CHSY3: variants seen among roughly 807,000 people sequenced by gnomAD.
CHSY3 encodes the protein chondroitin sulfate synthase 3.
CHSY3 carries 35 observed loss-of-function variants against 67.2 expected under a neutral mutation model. The observed-to-expected ratio is 0.52, with a 90% CI of 0.40 to 0.69. The LOEUF (loss-of-function observed/expected upper bound fraction) is 0.69, where lower values mean the gene tolerates loss of function less well. Ranked by LOEUF, CHSY3 falls within the 30% of genes least tolerant of loss-of-function variation. The probability of loss-of-function intolerance (pLI) is 0.00; values close to 1 mark genes in which losing one functional copy is unlikely to be tolerated. For synonymous variants in CHSY3, 474 were observed against 434.7 expected, an observed-to-expected ratio of 1.09 and a Z score of -1.12; for missense variants, 1,069 against 1,138.5, an observed-to-expected ratio of 0.94 and a Z score of 0.88.
intron 2 of CHSY3, among the ~76,000 whole-genome samples, chr5:130,133,436 CCTAAAAG>C (rs1387024306): frequency 6.6e-6 from 1 of 151,624 alleles, no homozygotes; most frequent in Non-Finnish European, 1.5e-5. Flanking sequence ...TTTTTATGTC[CCTAAAAG>C]CTGGTTTTCA....
chr5:130,131,637 A>T (rs1311710940), intron 2 of CHSY3, among the ~76,000 whole-genome samples: 1 of 152,078 alleles, frequency 6.6e-6, no homozygotes, highest in Non-Finnish European at 1.5e-5. Flanking sequence ...ATAACTACTG[A>T]CTCCAAGATT....
At chr5:130,102,406 T>C (rs760534812) in intron 2 of CHSY3, among the ~76,000 whole-genome samples, 1 of 152,078 alleles carries the variant, frequency 6.6e-6, no homozygotes, top group Non-Finnish European at 1.5e-5. Flanking sequence ...ATTCATACTG[T>C]TTAATAAATC....
intron 2 of CHSY3, chr5:130,114,438 C>T (rs1767711590): frequency 6.6e-6 from 1 of 151,970 alleles, no homozygotes; most frequent in Non-Finnish European, 1.5e-5. Context: ...CGCCCAATCT[C>T]GTCTGATCCT....
At chr5:129,958,694 C>CTATT (rs1430270069) in intron 2 of CHSY3, among the ~76,000 whole-genome samples, 6 of 152,012 alleles carry the variant, frequency 3.9e-5, no homozygotes, top group African/African-American at 1.4e-4. Flanking sequence ...CCATGTCTGG[C>CTATT]TATTTATTTA....
intron 2 of CHSY3, among the ~76,000 whole-genome samples, chr5:130,016,897 G>A (rs372606967): frequency 6.6e-6 from 1 of 152,188 alleles, no homozygotes. Context: ...GTAGAGGAGA[G>A]TGGGAAGGTA....
chr5:130,102,605 T>G (rs1193461268), intron 2 of CHSY3, among the ~76,000 whole-genome samples: 1 of 152,054 alleles, frequency 6.6e-6, no homozygotes, highest in Non-Finnish European at 1.5e-5. Context: ...GCTAGTCACA[T>G]TACCTCTATG....
chr5:130,182,124 G>T (rs1002509299), intron 2 of CHSY3, among the ~76,000 whole-genome samples: 2 of 152,014 alleles, frequency 1.3e-5, no homozygotes, highest in Non-Finnish European at 2.9e-5. Context: ...ATTCTCACTA[G>T]CAGTGTATGA....
intron 2 of CHSY3, among the ~76,000 whole-genome samples, chr5:130,124,617 G>A (rs1768201662): frequency 6.6e-6 from 1 of 151,946 alleles, no homozygotes; most frequent in Admixed American, 6.6e-5. Flanking sequence ...CACCACACTT[G>A]GTTAATTTTT....
intron 2 of CHSY3, among the ~76,000 whole-genome samples, chr5:130,109,644 C>A (rs1767528501): frequency 6.6e-6 from 1 of 151,624 alleles, no homozygotes; most frequent in Non-Finnish European, 1.5e-5. Flanking sequence ...GAGAGCTGCA[C>A]CTTTGCTTCT....
intron 2 of CHSY3, among the ~76,000 whole-genome samples, chr5:130,131,355 G>A (rs754260664): frequency 6.6e-6 from 1 of 152,026 alleles, no homozygotes; most frequent in Non-Finnish European, 1.5e-5. Flanking sequence ...GACTCTCTCT[G>A]CTGTTTCCAC....
intron 2 of CHSY3, 77 bp from the exon 3 acceptor site, chr5:130,184,152 G>A: frequency 2.3e-6 from 3 of 1,299,140 alleles, no homozygotes; most frequent in Admixed American, 3.4e-5. Context: ...TCATTTAGAT[G>A]CTTTAGTTTA....
chr5:129,994,739 C>T (rs1763481608), intron 2 of CHSY3, among the ~76,000 whole-genome samples: 1 of 152,112 alleles, frequency 6.6e-6, no homozygotes, highest in South Asian at 2.1e-4. Flanking sequence ...GAGTTCATGT[C>T]GTTTGTAGGG....
intron 2 of CHSY3, among the ~76,000 whole-genome samples, chr5:130,050,160 C>G (rs980153168): frequency 6.6e-6 from 1 of 152,100 alleles, no homozygotes; most frequent in Non-Finnish European, 1.5e-5. Flanking sequence ...CAAACTACAA[C>G]AATGTATTTA....
chr5:130,091,111 AACAC>A lies in CHSY3; in HGVS notation c.1087-93097_1087-93094del, dbSNP rs143104865. On this transcript the variant is annotated intron_variant, in intron 2 of 2. Coordinates refer to ENST00000305031, the MANE Select transcript of CHSY3 (RefSeq NM_175856.5). ...GTCTGCTGTTTCTGAACTTAAACGC[AACAC>A]ACACACACACACACACACACGCACA... Among the ~76,000 whole-genome samples, 49 of 148,822 alleles carry A rather than the reference AACAC, an allele frequency of 3.3e-4. 1 individual carries two copies. Among genetic ancestry groups the A allele is most frequent in the South Asian group, 1.3e-3 (6 of 4,684 alleles).
At chr5:129,996,564 C>T (rs542718888) in intron 2 of CHSY3, among the ~76,000 whole-genome samples, 2 of 152,238 alleles carry the variant, frequency 1.3e-5, no homozygotes, top group African/African-American at 4.8e-5. Context: ...TTTCTTAGTT[C>T]ATTGTCAGAA....
intron 2 of CHSY3, among the ~76,000 whole-genome samples, chr5:130,029,950 G>A (rs75926931): frequency 0.022 from 3,277 of 151,944 alleles, 112 homozygotes; most frequent in African/African-American, 0.073. Context: ...AAGAAGTAGT[G>A]GATTATACCT....
intron 2 of CHSY3, among the ~76,000 whole-genome samples, chr5:130,091,859 A>G (rs1355684539): frequency 6.6e-6 from 1 of 152,192 alleles, no homozygotes; most frequent in Non-Finnish European, 1.5e-5. Context: ...CGCAGGCTTC[A>G]TAAGGTTAAC....
intron 2 of CHSY3, among the ~76,000 whole-genome samples, chr5:130,019,293 T>C (rs369547049): frequency 2.0e-5 from 3 of 152,080 alleles, no homozygotes; most frequent in East Asian, 3.9e-4. Flanking sequence ...TAATTTTCCA[T>C]TCTCTTTCTT....
At chr5:130,016,710 AT>A (rs1323618789) in intron 2 of CHSY3, among the ~76,000 whole-genome samples, 1 of 152,212 alleles carries the variant, frequency 6.6e-6, no homozygotes, top group Middle Eastern at 3.2e-3. Context: ...TGCCTGGCCA[AT>A]TAGTGGTATT....
Sources: allele counts gnomAD v4.1 joint callset (sites outside exome capture counted in the v4.1 genomes callset), GRCh38; gene constraint gnomAD v4.1.1; transcripts MANE v1.5; gene names NCBI Gene and HGNC (gene_info 2026-07-23, HGNC 2026-07-21).